Variants in MTSS1 observed in about 807,000 individuals in gnomAD.
MTSS1 encodes MTSS I-BAR domain containing 1.
MTSS1 carries 18 observed loss-of-function variants against 79.0 expected under a neutral mutation model. That is an observed-to-expected ratio of 0.23 (90% CI 0.16 to 0.34). The LOEUF (loss-of-function observed/expected upper bound fraction) is 0.34, where lower values mean the gene tolerates loss of function less well. MTSS1 is among the 10% of genes least tolerant of loss of function. MTSS1 has a pLI of 1.00. For synonymous variants in MTSS1, 341 were observed against 368.6 expected, an observed-to-expected ratio of 0.93 and a Z score of 0.86; for missense variants, 815 against 986.2, an observed-to-expected ratio of 0.83 and a Z score of 2.33.
intron 3 of MTSS1, among the ~76,000 whole-genome samples, chr8:124,593,585 T>C (rs1222486341): frequency 1.3e-5 from 2 of 152,212 alleles, no homozygotes; most frequent in Admixed American, 6.5e-5. Context: ...TTTAAAACAC[T>C]GGAGAACAAC....
intron 3 of MTSS1, among the ~76,000 whole-genome samples, chr8:124,624,856 C>T (rs762709849): frequency 6.6e-6 from 1 of 152,180 alleles, no homozygotes; most frequent in Non-Finnish European, 1.5e-5. Flanking sequence ...AAGCTGTTTG[C>T]TACCCTCCAC....
intron 3 of MTSS1, among the ~76,000 whole-genome samples, chr8:124,610,334 C>A (rs558944657): frequency 6.6e-6 from 1 of 152,154 alleles, no homozygotes; most frequent in African/African-American, 2.4e-5. Context: ...GTACTCAAGA[C>A]ATATTTTTTT....
chr8:124,668,468 C>T (rs992050344), intron 3 of MTSS1, among the ~76,000 whole-genome samples: 2 of 152,182 alleles, frequency 1.3e-5, no homozygotes, highest in South Asian at 2.1e-4. Context: ...GTTCATGCCC[C>T]TACCAGGTCC....
Position 124,553,371 on chromosome 8 carries a change from A to C in MTSS1, c.1889T>G (p.Leu630Trp). ...TPTVPDLPGV[L>W]PAPPDGPEER... Reference sequence around the variant, plus strand: ...TTCTGGCCCATCTGGAGGGGCTGGCAACACCCCTGGGAGGTCTGGGACGGT... The same window carrying C: ...TTCTGGCCCATCTGGAGGGGCTGGCCACACCCCTGGGAGGTCTGGGACGGT... Residue 630 changes from leucine to tryptophan, a missense_variant, in exon 14 of 14, where the codon TTG (leucine) becomes TGG (tryptophan). Transcript: ENST00000518547. The surrounding 1 kb of genome is among the most constrained non-coding windows in gnomAD (Gnocchi z 6.0). The C allele has an allele frequency of 6.2e-7, 1 of 1,611,706 alleles. No individual in the cohort carries two copies. The highest frequency in any genetic ancestry group is 8.5e-7 in the Non-Finnish European group (1 of 1,178,122).
At chr8:124,704,267 C>G (rs1300564660) in intron 1 of MTSS1, 76 bp from the exon 2 acceptor site, 2 of 1,262,914 alleles carry the variant, frequency 1.6e-6, no homozygotes, top group East Asian at 2.3e-5. Context: ...GCACCCAATT[C>G]CAATCATGCA....
At chr8:124,558,921 TGGGAGTGGGGAA>T (rs1824640324) in intron 10 of MTSS1, 1 of 1,438,820 alleles carries the variant, frequency 7.0e-7, no homozygotes, top group Admixed American at 2.3e-5. Flanking sequence ...GGAATGGGGA[TGGGAGTGGGGAA>T]GGGCACACAC....
intron 3 of MTSS1, among the ~76,000 whole-genome samples, chr8:124,604,215 A>G (rs1347064780): frequency 6.6e-6 from 1 of 152,118 alleles, no homozygotes; most frequent in African/African-American, 2.4e-5. Flanking sequence ...TCCATCTTAA[A>G]AATAAATAAA....
intron 3 of MTSS1, among the ~76,000 whole-genome samples, chr8:124,658,716 G>A (rs113510141): frequency 0.038 from 5,734 of 152,148 alleles, 384 homozygotes; most frequent in African/African-American, 0.13. Context: ...CAGAGCTCCT[G>A]AGAACTCACT....
At chr8:124,656,530 G>C (rs1011106906) in intron 3 of MTSS1, among the ~76,000 whole-genome samples, 5 of 151,256 alleles carry the variant, frequency 3.3e-5, no homozygotes, top group African/African-American at 9.7e-5. Flanking sequence ...CCAGCACTTT[G>C]GGAAGCTATG....
intron 1 of MTSS1, among the ~76,000 whole-genome samples, chr8:124,716,055 T>C (rs1831912684): frequency 6.6e-6 from 1 of 152,230 alleles, no homozygotes; most frequent in African/African-American, 2.4e-5. Context: ...AATGGGCACC[T>C]ACTATGCGCA....
At chr8:124,679,990 C>G (rs1252183172) in intron 3 of MTSS1, among the ~76,000 whole-genome samples, 1 of 151,972 alleles carries the variant, frequency 6.6e-6, no homozygotes, top group Non-Finnish European at 1.5e-5. Context: ...TAAACTTAGT[C>G]TTTATTACCT....
At chr8:124,678,542 G>C (rs1215015670) in intron 3 of MTSS1, among the ~76,000 whole-genome samples, 1 of 152,244 alleles carries the variant, frequency 6.6e-6, no homozygotes, top group East Asian at 1.9e-4. Flanking sequence ...GCAGGCAAAA[G>C]AGCGTGTACA....
chr8:124,668,186 A>C (rs554302006), intron 3 of MTSS1, among the ~76,000 whole-genome samples: 1 of 152,336 alleles, frequency 6.6e-6, no homozygotes, highest in South Asian at 2.1e-4. Flanking sequence ...ACACAGCGCA[A>C]GCGGCCACAC....
chr8:124,710,632 T>A (rs960958356), intron 1 of MTSS1, among the ~76,000 whole-genome samples: 6 of 152,314 alleles, frequency 3.9e-5, no homozygotes, highest in Middle Eastern at 3.4e-3. Flanking sequence ...CTTCGTTTTG[T>A]TTCCTATTGA....
intron 3 of MTSS1, among the ~76,000 whole-genome samples, chr8:124,680,549 AG>A (rs558903225): frequency 1.0e-3 from 152 of 152,336 alleles, no homozygotes; most frequent in Non-Finnish European, 1.9e-3. Flanking sequence ...TGCCACAAGG[AG>A]GGGCTTCAGG....
At chr8:124,561,566 C>T (rs1825328333) in intron 10 of MTSS1, among the ~76,000 whole-genome samples, 1 of 152,038 alleles carries the variant, frequency 6.6e-6, no homozygotes. Flanking sequence ...CCCATCCACA[C>T]TCACAGTCTT....
intron 3 of MTSS1, among the ~76,000 whole-genome samples, chr8:124,681,558 C>G (rs1029861193): frequency 6.6e-6 from 1 of 152,130 alleles, no homozygotes; most frequent in African/African-American, 2.4e-5. Flanking sequence ...GAGGCCAAGG[C>G]GGGTGCATAA....
intron 3 of MTSS1, among the ~76,000 whole-genome samples, chr8:124,592,730 T>TA (rs142817630): frequency 0.021 from 3,193 of 152,294 alleles, 119 homozygotes; most frequent in African/African-American, 0.073. Flanking sequence ...TCTATTCCTC[T>TA]AAAAACAAGG....
At chr8:124,599,114 C>T (rs1356245725) in intron 3 of MTSS1, among the ~76,000 whole-genome samples, 1 of 152,210 alleles carries the variant, frequency 6.6e-6, no homozygotes, top group Non-Finnish European at 1.5e-5. Context: ...ATGGAAGGGA[C>T]CCTGTGCGCT....
Sources: allele counts gnomAD v4.1 joint callset (sites outside exome capture counted in the v4.1 genomes callset), GRCh38; gene constraint gnomAD v4.1.1; non-coding constraint Gnocchi (gnomAD v3.1); transcripts MANE v1.5; gene names NCBI Gene and HGNC (gene_info 2026-07-23, HGNC 2026-07-21).